Variants in FAM13B observed in about 807,000 individuals in gnomAD.
FAM13B encodes the protein protein FAM13B.
In FAM13B, 60 loss-of-function variants were observed where a neutral mutation model predicts 117.3. The ratio of observed to expected loss-of-function variants is 0.51; its 90% CI spans 0.42 to 0.63. FAM13B has a LOEUF of 0.63. Ranked by LOEUF, FAM13B falls within the 30% of genes least tolerant of loss-of-function variation. FAM13B has a pLI of 0.00. For synonymous variants in FAM13B, 332 were observed against 356.1 expected (o/e 0.93, Z 0.76); for missense variants, 972 against 1,091.9 (o/e 0.89, Z 1.55).
At chr5:137,990,429 G>C (rs113712381) in intron 7 of FAM13B, among the ~76,000 whole-genome samples, 5,807 of 152,152 alleles carry the variant, frequency 0.038, 135 homozygotes, top group Middle Eastern at 0.058. Flanking sequence ...TCATCAGTCT[G>C]TTACTAAAGC....
At chr5:138,049,866 C>A (rs1791750649) in intron 1 of FAM13B, among the ~76,000 whole-genome samples, 1 of 152,154 alleles carries the variant, frequency 6.6e-6, no homozygotes, top group South Asian at 2.1e-4. Flanking sequence ...TGGCTCATGT[C>A]TGTTATCTCA....
chr5:137,966,930 T>C (rs957035970), intron 10 of FAM13B, among the ~76,000 whole-genome samples: 1 of 152,170 alleles, frequency 6.6e-6, no homozygotes, highest in Non-Finnish European at 1.5e-5. Context: ...TAGGTAAACA[T>C]GTAGGACAAA....
chr5:138,020,996 T>C (rs1040798908), intron 2 of FAM13B, 35 bp downstream of exon 2: 40 of 1,223,140 alleles, frequency 3.3e-5, no homozygotes, highest in African/African-American at 1.1e-4. Flanking sequence ...TATGGATTTA[T>C]AGAGCACGAG....
chr5:137,988,323 C>G lies in FAM13B; in HGVS notation c.849-8G>C, dbSNP rs1777746529. 6.4e-7 allele frequency: 1 copy of G among 1,555,588 alleles called. No homozygotes were observed. Among genetic ancestry groups the G allele is most frequent in the Non-Finnish European group, 8.6e-7 (1 of 1,160,632 alleles). On this transcript the variant is annotated splice_region_variant and splice_polypyrimidine_tract_variant and intron_variant, in intron 7 of 23. Transcript: ENST00000689681. ...ATGGGAGATATATGGGTGCTGCAAT[C>G]AAAGAAAGAAATTAGCTATAAAAAT...
chr5:138,014,207 G>C (rs1355046963), intron 4 of FAM13B, among the ~76,000 whole-genome samples: 1 of 152,234 alleles, frequency 6.6e-6, no homozygotes, highest in Non-Finnish European at 1.5e-5. Flanking sequence ...AAAGTGCTGG[G>C]ATTACAGGCG....
rs750273651 is a variant in FAM13B at position 137,959,724 on chromosome 5, C to G, written c.1333G>C (p.Glu445Gln). 1.2e-6 allele frequency: 2 copies of G among 1,613,852 alleles called. No individual in the cohort carries two copies. The highest frequency in any genetic ancestry group is 1.7e-5 in the Admixed American group (1 of 60,004). The change falls in exon 13 of 24, where the codon GAA becomes CAA. Residue 445 changes from glutamate (E) to glutamine (Q), a missense_variant. Glu to Gln is a conservative substitution (Grantham distance 29). Transcript: ENST00000689681. Reference protein sequence around the residue: ...SKICDLNANTESEVPGGQSVG... With the variant: ...SKICDLNANTQSEVPGGQSVG... ...CTCTGACCTCCTGGTACTTCTGATTCAGTGTTGGCATTCAAATCACATATC... is the reference window on the plus strand; with the variant it reads ...CTCTGACCTCCTGGTACTTCTGATTGAGTGTTGGCATTCAAATCACATATC...
At chr5:137,970,694 G>C (rs1047403497) in intron 10 of FAM13B, among the ~76,000 whole-genome samples, 34 of 152,214 alleles carry the variant, frequency 2.2e-4, no homozygotes, top group Non-Finnish European at 4.3e-4. Context: ...AGACCCATCA[G>C]TGTGCTGTAT....
intron 7 of FAM13B, among the ~76,000 whole-genome samples, chr5:137,989,661 CA>C (rs1172558948): frequency 1.3e-5 from 2 of 151,274 alleles, no homozygotes; most frequent in Non-Finnish European, 2.9e-5. Context: ...CCCATCTCTA[CA>C]AAAAAAATAA....
At chr5:138,035,445 A>C (rs966487147), upstream of FAM13B, among the ~76,000 whole-genome samples, 5 of 152,216 alleles carry the variant, frequency 3.3e-5, no homozygotes, top group African/African-American at 9.6e-5. Context: ...CTACTTGATA[A>C]TATAAAAACA....
At chr5:137,995,408 G>A (rs192769415) in intron 7 of FAM13B, among the ~76,000 whole-genome samples, 2 of 152,138 alleles carry the variant, frequency 1.3e-5, no homozygotes, top group East Asian at 1.9e-4. Context: ...CTATAACCAG[G>A]GACATAAATT....
At position 137,949,073 on chromosome 5, in the gene FAM13B, T is replaced by G; in HGVS notation, c.2042A>C (p.Glu681Ala). 4.3e-6 allele frequency: 7 copies of G among 1,614,126 alleles called. No individual in the cohort carries two copies. The highest frequency in any genetic ancestry group is 3.3e-5 in the South Asian group (3 of 91,086). Residue 681 changes from glutamate to alanine, a missense_variant, in exon 18 of 24, where the codon GAA (glutamate) becomes GCA (alanine). Transcript: ENST00000689681. ...SSLDHEDEEN[E>A]DEPKVIQKEK... ...CTTCTGAATGACCTTGGGTTCATCT[T>G]CATTCTCTTCATCTTCATGGTCTAG...
intron 10 of FAM13B, among the ~76,000 whole-genome samples, 168 bp downstream of exon 10, chr5:137,985,089 T>C (rs1197481121): frequency 6.6e-6 from 1 of 152,234 alleles, no homozygotes; most frequent in Non-Finnish European, 1.5e-5. Context: ...TTTATACTTC[T>C]CTACCCAGTG....
At chr5:137,984,981 G>C (rs1776812363) in intron 10 of FAM13B, among the ~76,000 whole-genome samples, 1 of 152,112 alleles carries the variant, frequency 6.6e-6, no homozygotes, top group Non-Finnish European at 1.5e-5. Context: ...ATGTTAGCCA[G>C]GATGGTCTCG....
At chr5:137,965,309 G>T (rs866465215) in intron 10 of FAM13B, among the ~76,000 whole-genome samples, 17 of 152,184 alleles carry the variant, frequency 1.1e-4, no homozygotes, top group African/African-American at 1.7e-4. Context: ...CTCAATTCAG[G>T]TAAGTTAGAG....
chr5:138,026,628 CAAA>C (rs56195021), intron 1 of FAM13B, among the ~76,000 whole-genome samples: 2 of 29,440 alleles, frequency 6.8e-5, no homozygotes, highest in African/African-American at 1.5e-4. Context: ...GACCGTGTCT[CAAA>C]AAAAAAAAAA....
At chr5:137,995,830 G>A (rs931920337) in intron 7 of FAM13B, among the ~76,000 whole-genome samples, 5 of 152,126 alleles carry the variant, frequency 3.3e-5, no homozygotes, top group African/African-American at 1.2e-4. Context: ...TTTATCATGT[G>A]CTAGTACTTA....
intron 23 of FAM13B, 113 bp downstream of exon 23, chr5:137,941,831 T>G (rs1761946550): frequency 7.0e-6 from 6 of 858,634 alleles, no homozygotes; most frequent in Non-Finnish European, 9.1e-6. Flanking sequence ...AATTTTTCAG[T>G]GCTAGCATCC....
chr5:138,049,260 T>TGTTTTG (rs1477014309), intron 1 of FAM13B, among the ~76,000 whole-genome samples: 2 of 150,176 alleles, frequency 1.3e-5, no homozygotes, highest in African/African-American at 2.5e-5. Flanking sequence ...ATACATTTCT[T>TGTTTTG]GTTTTGTTTT....
At chr5:137,942,145 T>A in intron 22 of FAM13B, 100 bp from the exon 23 acceptor site, 1 of 935,814 alleles carries the variant, frequency 1.1e-6, no homozygotes, top group Non-Finnish European at 1.6e-6. Context: ...GCTGGGGAAC[T>A]GTTAGGTCTA....
Sources: gnomAD v4.1 joint callset for allele counts (sites outside exome capture counted in the v4.1 genomes callset) on GRCh38, gnomAD v4.1.1 for gene constraint, MANE v1.5 for transcripts, NCBI Gene and HGNC (gene_info 2026-07-23, HGNC 2026-07-21) for gene names.